Variants in CR1 observed in about 807,000 individuals in gnomAD.
CR1 encodes the protein complement receptor type 1.
CR1 carries 116 observed loss-of-function variants against 187.3 expected under a neutral mutation model. The observed-to-expected ratio is 0.62, with a 90% CI of 0.53 to 0.72. The LOEUF (loss-of-function observed/expected upper bound fraction) is 0.72. CR1 is among the 30% of genes least tolerant of loss of function. The pLI is 0.00. For missense variants in CR1, 1,731 were observed against 2,110.7 expected, an observed-to-expected ratio of 0.82 and a Z score of 3.52; for synonymous variants, 576 against 747.1, an observed-to-expected ratio of 0.77 and a Z score of 3.73.
chr1:207,625,887 T>C (rs964365343), intron 45 of CR1, among the ~76,000 whole-genome samples: 4 of 152,186 alleles, frequency 2.6e-5, no homozygotes, highest in Non-Finnish European at 5.9e-5. Flanking sequence ...ATGTTATCTA[T>C]AGGAGCAATT....
chr1:207,565,967 T>A, intron 24 of CR1, 44 bp downstream of exon 24: 1 of 1,607,888 alleles, frequency 6.2e-7, no homozygotes, highest in Non-Finnish European at 8.5e-7. Context: ...CTCCCCTTCA[T>A]CTGTTCACTA....
At chr1:207,507,835 A>G (rs1055324093) in intron 3 of CR1, among the ~76,000 whole-genome samples, 2 of 152,240 alleles carry the variant, frequency 1.3e-5, no homozygotes, top group Non-Finnish European at 2.9e-5. Flanking sequence ...CTGCACACAG[A>G]TGTTTATAAC....
intron 35 of CR1, among the ~76,000 whole-genome samples, chr1:207,600,070 A>C (rs1397681073): frequency 6.6e-6 from 1 of 152,186 alleles, no homozygotes; most frequent in Non-Finnish European, 1.5e-5. Context: ...GCAATTACTC[A>C]GTTCTGCCAT....
At chr1:207,575,138 A>G (rs1303660038) in intron 27 of CR1, among the ~76,000 whole-genome samples, 1 of 152,152 alleles carries the variant, frequency 6.6e-6, no homozygotes, top group Non-Finnish European at 1.5e-5. Context: ...CTCTTAGACA[A>G]GATCAAAAGC....
In CR1 at chr1:207,505,998, A is replaced by G. The variant is rs1659418655; in HGVS notation, c.216A>G (p.Glu72=). ...CCATTGGGACATATCTGAACTATGA[A>G]TGCCGCCCTGGTTATTCCGGAAGAC... ...EFPIGTYLNY[E]CRPGYSGRPF... is the part of the protein sequence containing the mutation. Residue 72 remains glutamate, a synonymous_variant, in exon 2 of 47, where the codon GAA becomes GAG. Coordinates refer to ENST00000367049, the MANE Select transcript of CR1 (RefSeq NM_000651.6). The G allele has an allele frequency of 6.2e-7, 1 of 1,613,950 alleles. No homozygotes were observed. The highest frequency in any genetic ancestry group is 2.2e-5 in the East Asian group (1 of 44,888).
chr1:207,515,936 C>T (rs1175315154), intron 4 of CR1, among the ~76,000 whole-genome samples: 1 of 151,952 alleles, frequency 6.6e-6, no homozygotes, highest in Non-Finnish European at 1.5e-5. Flanking sequence ...GCAATTGGGC[C>T]AAGTGAGGTG....
Position 207,587,437 on chromosome 1 carries a change from T to A in CR1, c.5582T>A (p.Ile1861Asn). ...QFPFASPTIP[I>N]NDFEFPVGTS... ...CCATTTGCCAGTCCTACGATCCCAA[T>A]TAATGACTTTGAGTTTCCAGTCGGG... The change falls in exon 34 of 47, where the codon ATT becomes AAT. Residue 1861 changes from isoleucine (I) to asparagine (N), a missense_variant. Ile to Asn is a moderately radical substitution (Grantham distance 149). Coordinates refer to ENST00000367049, the MANE Select transcript of CR1 (RefSeq NM_000651.6). The A allele has an allele frequency of 6.2e-7, 1 of 1,613,958 alleles. No individual in the cohort carries two copies. Among genetic ancestry groups the A allele is most frequent in the Non-Finnish European group, 8.5e-7 (1 of 1,179,808 alleles).
chr1:207,565,843 A>G lies in CR1; in HGVS notation c.3872A>G (p.Gln1291Arg), dbSNP rs181688823. ...KVDFVCDEGF[Q>R]LKGSSASYCV... Reference sequence around the variant, plus strand: ...ACTCCTATTTTCTTCTTTAGATTTCAATTAAAAGGCAGCTCTGCTAGTTAT... The same window carrying G: ...ACTCCTATTTTCTTCTTTAGATTTCGATTAAAAGGCAGCTCTGCTAGTTAT... Residue 1291 changes from glutamine (Q) to arginine (R), a missense_variant, in exon 24 of 47, where the codon CAA (glutamine) becomes CGA (arginine). This residue lies in a region of CR1 where 1,312 missense variants were observed against 1,379.6 expected (regional missense o/e 0.95). Coordinates refer to ENST00000367049, the MANE Select transcript of CR1 (RefSeq NM_000651.6). 4.3e-5 allele frequency: 70 copies of G among 1,610,702 alleles called. 1 individual carries two copies. Among genetic ancestry groups the G allele is most frequent in the Non-Finnish European group, 5.8e-5 (68 of 1,179,688 alleles).
intron 32 of CR1, among the ~76,000 whole-genome samples, chr1:207,583,925 A>G (rs1379318010): frequency 6.6e-6 from 1 of 152,184 alleles, no homozygotes; most frequent in Non-Finnish European, 1.5e-5. Flanking sequence ...TCCCAAATTC[A>G]AAGCAAATTA....
intron 35 of CR1, among the ~76,000 whole-genome samples, chr1:207,592,652 A>AT (rs1661306532): frequency 6.6e-6 from 1 of 152,212 alleles, no homozygotes; most frequent in African/African-American, 2.4e-5. Flanking sequence ...AGGAAGTCAA[A>AT]TTGTCTCTGT....
intron 3 of CR1, among the ~76,000 whole-genome samples, chr1:207,510,718 T>C (rs1442720075): frequency 9.1e-6 from 1 of 110,120 alleles, no homozygotes; most frequent in Non-Finnish European, 1.8e-5. Context: ...GTTCTAGTTA[T>C]GTATCCCCTT....
intron 5 of CR1, among the ~76,000 whole-genome samples, chr1:207,525,647 G>C (rs1440139511): frequency 6.6e-6 from 1 of 152,050 alleles, no homozygotes; most frequent in African/African-American, 2.4e-5. Context: ...AACCTAACCA[G>C]AGCCCAGCTA....
chr1:207,619,734 G>A (rs1181421744), intron 42 of CR1, 146 bp from the exon 43 acceptor site: 2 of 638,890 alleles, frequency 3.1e-6, no homozygotes, highest in African/African-American at 3.7e-5. Flanking sequence ...AAGGTTTTTG[G>A]AGGAGGAAGA....
intron 35 of CR1, among the ~76,000 whole-genome samples, chr1:207,592,031 T>A (rs1374892012): frequency 6.6e-6 from 1 of 152,188 alleles, no homozygotes; most frequent in Non-Finnish European, 1.5e-5. Flanking sequence ...GAGGAGCTGG[T>A]ACCATTCCTT....
At chr1:207,625,436 G>A (rs531774385) in intron 45 of CR1, among the ~76,000 whole-genome samples, 60 of 152,300 alleles carry the variant, frequency 3.9e-4, no homozygotes, top group African/African-American at 1.3e-3. Context: ...ATCCAGGAAA[G>A]TTTTTAAACA....
rs61734513 is a variant in CR1, at chr1:207,587,561, T to C, written c.5706T>C (p.Cys1902=). Reference sequence around the variant, plus strand: ...TCTGGTCAAGTGTTGAAGACAACTGTAGACGTGAGTAACCCCTCCCTGGGA... The same window carrying C: ...TCTGGTCAAGTGTTGAAGACAACTGCAGACGTGAGTAACCCCTCCCTGGGA... ...NLVWSSVEDN[C]RRKSCGPPPE... is the part of the protein sequence containing the mutation. The change falls in exon 34 of 47, where the codon TGT becomes TGC. Residue 1902 remains cysteine (C), a synonymous_variant. Coordinates refer to ENST00000367049, the MANE Select transcript of CR1 (RefSeq NM_000651.6). 7.6e-3 allele frequency: 12,261 copies of C among 1,613,024 alleles called. 62 individuals are homozygous for C. The highest frequency in any genetic ancestry group is 8.9e-3 in the Non-Finnish European group (10,554 of 1,179,324).
chr1:207,496,386 G>T lies in CR1; in HGVS notation c.119G>T (p.Trp40Leu), dbSNP rs1659083344. The T allele has an allele frequency of 5.0e-6, 8 of 1,608,310 alleles. No homozygotes were observed. Among genetic ancestry groups the T allele is most frequent in the Non-Finnish European group, 6.8e-6 (8 of 1,177,818 alleles). ...VVVLLALPVA[W>L]GQCNAPEWLP... ...GTGCTGCTTGCGCTGCCGGTGGCCT[G>T]GGGTGAGAGGCGGGCGGGCGTGGGG... is the stretch of plus-strand genomic sequence containing the variant. Residue 40 changes from tryptophan to leucine, a missense_variant and splice_region_variant, in exon 1 of 47, where the codon TGG becomes TTG. This residue lies in a region of CR1 where 237 missense variants were observed against 240.4 expected (regional missense o/e 0.99). Transcript: ENST00000367049.
intron 3 of CR1, among the ~76,000 whole-genome samples, chr1:207,511,318 A>T (rs1327937949): frequency 6.6e-6 from 1 of 152,222 alleles, no homozygotes; most frequent in Non-Finnish European, 1.5e-5. Context: ...ACTACAATTC[A>T]TCTTAGATTT....
intron 41 of CR1, 108 bp downstream of exon 41, chr1:207,616,910 A>G: frequency 2.7e-6 from 4 of 1,468,556 alleles, no homozygotes; most frequent in South Asian, 2.7e-5. Flanking sequence ...GCTTTGCTGT[A>G]ACTGTCAGAG....
Sources: allele counts gnomAD v4.1 joint callset (sites outside exome capture counted in the v4.1 genomes callset), GRCh38; gene constraint gnomAD v4.1.1; regional missense constraint gnomAD v4.1.1; transcripts MANE v1.5; gene names NCBI Gene and HGNC (gene_info 2026-07-23, HGNC 2026-07-21).